WDR86: variants seen among roughly 807,000 people sequenced by gnomAD.
WDR86 encodes WD repeat-containing protein 86.
WDR86 carries 30 observed loss-of-function variants against 36.5 expected under a neutral mutation model. The ratio of observed to expected loss-of-function variants is 0.82; its 90% CI spans 0.61 to 1.11. The LOEUF is 1.11. Among genes scored for constraint, WDR86 ranks in the 50% most tolerant of loss-of-function variants. WDR86 has a pLI of 0.00. For synonymous variants in WDR86, 255 were observed against 252.9 expected, an observed-to-expected ratio of 1.01 and a Z score of -0.08; for missense variants, 545 against 561.2, an observed-to-expected ratio of 0.97 and a Z score of 0.29.
chr7:151,394,155 G>C (rs1006204483), intron 3 of WDR86, among the ~76,000 whole-genome samples: 1 of 152,124 alleles, frequency 6.6e-6, no homozygotes, highest in Non-Finnish European at 1.5e-5. Flanking sequence ...CCCTCATCTC[G>C]CTGCATTTGC....
downstream of WDR86, among the ~76,000 whole-genome samples, chr7:151,375,656 C>G (rs1026156185): frequency 3.3e-5 from 5 of 152,346 alleles, no homozygotes; most frequent in Non-Finnish European, 4.4e-5. Flanking sequence ...TCTTGCTCCT[C>G]CTTCAAACCC....
In WDR86 at chr7:151,395,798, C is replaced by G. The variant is rs202127341; in HGVS notation, c.704G>C (p.Arg235Pro). The G allele has an allele frequency of 1.3e-6, 2 of 1,563,978 alleles. No individual in the cohort carries two copies. The highest frequency in any genetic ancestry group is 1.7e-6 in the Non-Finnish European group (2 of 1,156,394). ...CACCTCCAGACAGATGACGGAGCCCCGGTGCTCCCGGAACACCCGCAGCTG... is the reference window on the plus strand; with the variant it reads ...CACCTCCAGACAGATGACGGAGCCCGGGTGCTCCCGGAACACCCGCAGCTG... Reference protein sequence around the residue: ...GEQLRVFREHRGSVICLELVN... With the variant: ...GEQLRVFREHPGSVICLELVN... The change falls in exon 3 of 6, where the codon CGG becomes CCG. Residue 235 changes from arginine to proline, a missense_variant. Transcript: ENST00000334493.
rs936723811 is a variant in WDR86, at chr7:151,409,610, C to T, written c.-21G>A. The stretch of plus-strand genomic sequence containing the variant: ...CCCATCCCGCTGGCAGGGCGGGGAA[C>T]AAGAAGGAGCTGCGCCCCGCTAGGG... On this transcript the variant is annotated 5_prime_UTR_variant, in exon 1 of 6. Coordinates refer to ENST00000334493, the MANE Select transcript of WDR86 (RefSeq NM_198285.3). This position sits in a 1 kb window ranked among gnomAD's most constrained non-coding sequence, Gnocchi z 5.2. 1 of 1,366,724 alleles carries T rather than the reference C, an allele frequency of 7.3e-7. No individual in the cohort carries two copies. 84.7% of individuals were successfully genotyped at this position (1,366,724 alleles called of 1,614,324 possible).
downstream of WDR86, chr7:151,376,564 T>G (rs1798269644): frequency 7.0e-7 from 1 of 1,432,518 alleles, no homozygotes; most frequent in African/African-American, 1.4e-5. Context: ...GGCTGTCCAC[T>G]CGTATGGCTG....
intron 4 of WDR86, among the ~76,000 whole-genome samples, chr7:151,383,571 C>T: frequency 6.6e-6 from 1 of 152,146 alleles, no homozygotes; most frequent in East Asian, 1.9e-4. Context: ...CCCGCCTTGG[C>T]TTCCCAAAGT....
chr7:151,377,012 C>T, downstream of WDR86: 1 of 1,495,332 alleles, frequency 6.7e-7, no homozygotes, highest in Non-Finnish European at 8.9e-7. Flanking sequence ...ACAATCCTCA[C>T]ATAATTCACT....
At chr7:151,389,309 A>G (rs1374966891) in intron 3 of WDR86, among the ~76,000 whole-genome samples, 4 of 151,858 alleles carry the variant, frequency 2.6e-5, no homozygotes, top group African/African-American at 9.7e-5. Context: ...GACTCTGCGA[A>G]ACTGCACGGT....
chr7:151,382,041 T>TG (rs778857538), intron 4 of WDR86, 60 bp from the exon 5 acceptor site: 1 of 1,482,512 alleles, frequency 6.7e-7, no homozygotes, highest in Non-Finnish European at 9.2e-7. Flanking sequence ...CAAGCAGGGA[T>TG]GGGGCGGCGA....
chr7:151,370,828 A>T, the WDR86 span, among the ~76,000 whole-genome samples: 3 of 152,136 alleles, frequency 2.0e-5, no homozygotes, highest in Admixed American at 6.5e-5. Flanking sequence ...TTTACTGAGA[A>T]TGAAGTAAGA....
At chr7:151,385,555 A>G (rs1798912312) in intron 3 of WDR86, among the ~76,000 whole-genome samples, 1 of 152,192 alleles carries the variant, frequency 6.6e-6, no homozygotes, top group Admixed American at 6.5e-5. Flanking sequence ...TGTGTGGGGT[A>G]CAGGCACTTA....
chr7:151,377,301 T>G, downstream of WDR86: 6 of 1,056,376 alleles, frequency 5.7e-6, no homozygotes, highest in East Asian at 2.8e-5. Flanking sequence ...GCTCTTTCTG[T>G]TCTTACTTTT....
At chr7:151,389,926 C>T (rs964716376) in intron 3 of WDR86, among the ~76,000 whole-genome samples, 22 of 152,186 alleles carry the variant, frequency 1.4e-4, no homozygotes, top group African/African-American at 5.3e-4. Flanking sequence ...GGTGGAGAAG[C>T]CACACAGTCC....
rs943954508 is a variant in WDR86, at chr7:151,406,451, C to G, written c.163+2976G>C. Among the ~76,000 whole-genome samples, 1 of 152,178 alleles carries G rather than the reference C, an allele frequency of 6.6e-6. No individual in the cohort carries two copies. The highest frequency in any genetic ancestry group is 1.5e-5 in the Non-Finnish European group (1 of 68,028). On this transcript the variant is annotated intron_variant, in intron 1 of 5. Transcript: ENST00000334493. The surrounding 1 kb of genome is among the most constrained non-coding windows in gnomAD (Gnocchi z 4.4). ...CCACTCTGCTCGAGAAATCCAGGAC[C>G]GGCCAACCACAGGCTCTTGTGGGCC...
chr7:151,401,866 G>C lies in WDR86; in HGVS notation c.164-1625C>G, dbSNP rs1335063956. 1.3e-5 allele frequency among the ~76,000 whole-genome samples: 2 copies of C among 151,050 alleles called. No homozygotes were observed. Among genetic ancestry groups the C allele is most frequent in the Non-Finnish European group, 2.9e-5 (2 of 67,816 alleles). ...AGTTCAAGATCAGCCTGGCTAAGAT[G>C]GTGAAACCCCGTCTCTACTAAAAAT... On this transcript the variant is annotated intron_variant, in intron 1 of 5. Coordinates refer to ENST00000334493, the MANE Select transcript of WDR86 (RefSeq NM_198285.3). The surrounding 1 kb of genome is among the most constrained non-coding windows in gnomAD (Gnocchi z 4.3).
chr7:151,407,061 TAAAG>T (rs1468710836), intron 1 of WDR86, among the ~76,000 whole-genome samples: 4 of 152,262 alleles, frequency 2.6e-5, no homozygotes, highest in South Asian at 2.1e-4. Context: ...AATCTCAGGA[TAAAG>T]AAAGATGACC....
intron 4 of WDR86, 141 bp downstream of exon 4, chr7:151,384,947 T>C (rs1468665847): frequency 7.5e-6 from 7 of 939,530 alleles, no homozygotes; most frequent in Non-Finnish European, 1.1e-5. Flanking sequence ...CACGGGTGTG[T>C]GGAGAAGGAA....
In WDR86 at chr7:151,409,713, C is replaced by T; in HGVS notation, c.-124G>A. Reference sequence around the variant, plus strand: ...ATCGCGGGGAACGGGGAGCCCGACTCCTGCGGAGGCACGCGGCGAGGGGAG... The same window carrying T: ...ATCGCGGGGAACGGGGAGCCCGACTTCTGCGGAGGCACGCGGCGAGGGGAG... On this transcript the variant is annotated 5_prime_UTR_variant, in exon 1 of 6. Coordinates refer to ENST00000334493, the MANE Select transcript of WDR86 (RefSeq NM_198285.3). The surrounding 1 kb of genome is among the most constrained non-coding windows in gnomAD (Gnocchi z 5.2). The T allele has an allele frequency of 7.7e-7, 1 of 1,294,646 alleles. No homozygotes were observed. Among genetic ancestry groups the T allele is most frequent in the Non-Finnish European group, 9.8e-7 (1 of 1,025,236 alleles). 80.2% of individuals were successfully genotyped at this position (1,294,646 alleles called of 1,614,324 possible).
rs372794701 is a variant in WDR86 at position 151,395,894 on chromosome 7, G to C, written c.608C>G (p.Thr203Arg). 6 of 1,602,538 alleles carry C rather than the reference G, an allele frequency of 3.7e-6. No homozygotes were observed. Among genetic ancestry groups the C allele is most frequent in the East Asian group, 2.2e-5 (1 of 44,480 alleles). ...GCCTGTGAAGGCCGTGTGGCCGGGC[G>C]TGTCTAGCACTAGGCACAGCACTGC... Reference protein sequence around the residue: ...TGAVLCLVLDTPGHTAFTGST... With the variant: ...TGAVLCLVLDRPGHTAFTGST... The change falls in exon 3 of 6, where the codon ACG (threonine) becomes AGG (arginine). Residue 203 changes from threonine to arginine, a missense_variant. Transcript: ENST00000334493.
Position 151,405,073 on chromosome 7 carries a change from C to T in WDR86, c.163+4354G>A, listed in dbSNP as rs1800613268. 6.6e-6 allele frequency among the ~76,000 whole-genome samples: 1 copy of T among 152,158 alleles called. No homozygotes were observed. On this transcript the variant is annotated intron_variant, in intron 1 of 5. Transcript: ENST00000334493. This position sits in a 1 kb window ranked among gnomAD's most constrained non-coding sequence, Gnocchi z 4.7. ...GGTTATTTTCACCTGTGGGGGAGGC[C>T]CCACTGAGCCTGCTGTCCAGGACTG... is the stretch of plus-strand genomic sequence containing the variant.
Sources: gnomAD v4.1 joint callset for allele counts (sites outside exome capture counted in the v4.1 genomes callset) on GRCh38, gnomAD v4.1.1 for gene constraint, Gnocchi (gnomAD v3.1) non-coding constraint, MANE v1.5 for transcripts, NCBI Gene and HGNC (gene_info 2026-07-23, HGNC 2026-07-21) for gene names.